SLC8A1: variants seen among roughly 807,000 people sequenced by gnomAD.
The protein encoded by SLC8A1 is sodium/calcium exchanger 1.
In SLC8A1, 18 loss-of-function variants were observed where a neutral mutation model predicts 68.3. The ratio of observed to expected loss-of-function variants is 0.26; its 90% confidence interval spans 0.18 to 0.39. The LOEUF (loss-of-function observed/expected upper bound fraction) is 0.39. SLC8A1 is among the 10% of genes least tolerant of loss of function. The pLI is 1.00. For missense variants in SLC8A1, 985 were observed against 1,156.7 expected (o/e 0.85, Z 2.15); for synonymous variants, 475 against 415.5 (o/e 1.14, Z -1.74).
chr2:40,510,921 T>C (rs954692168), intron 1 of SLC8A1, among the ~76,000 whole-genome samples: 18 of 152,192 alleles, frequency 1.2e-4, no homozygotes, highest in African/African-American at 4.3e-4. Context: ...GCCACTTTTT[T>C]GGTGTAATGG....
At chr2:40,375,038 T>C (rs1679357833) in intron 2 of SLC8A1, among the ~76,000 whole-genome samples, 1 of 152,060 alleles carries the variant, frequency 6.6e-6, no homozygotes, top group South Asian at 2.1e-4. Flanking sequence ...GGCTGCTTGA[T>C]AATGAATTTA....
At chr2:40,503,355 A>C (rs1054097883) in intron 1 of SLC8A1, among the ~76,000 whole-genome samples, 2 of 152,034 alleles carry the variant, frequency 1.3e-5, no homozygotes, top group African/African-American at 4.8e-5. Flanking sequence ...TAAGTTCTTC[A>C]GAACCATGTC....
chr2:40,449,668 T>G (rs1011829592), intron 1 of SLC8A1, among the ~76,000 whole-genome samples: 3 of 134,466 alleles, frequency 2.2e-5, no homozygotes, highest in African/African-American at 6.0e-5. Flanking sequence ...CACTATATAA[T>G]AATATTAAAG....
chr2:40,386,868 A>G (rs769870505), intron 2 of SLC8A1, among the ~76,000 whole-genome samples: 4 of 151,194 alleles, frequency 2.6e-5, no homozygotes, highest in Admixed American at 1.3e-4. Context: ...GAATGACAAC[A>G]AACTACCATT....
chr2:40,395,324 C>T (rs1403882307), intron 2 of SLC8A1, among the ~76,000 whole-genome samples: 1 of 152,130 alleles, frequency 6.6e-6, no homozygotes, highest in South Asian at 2.1e-4. Flanking sequence ...GATCTCAAAT[C>T]TGATCTAGCC....
intron 2 of SLC8A1, among the ~76,000 whole-genome samples, chr2:40,245,652 C>G (rs1574630822): frequency 6.6e-6 from 1 of 151,940 alleles, no homozygotes; most frequent in Non-Finnish European, 1.5e-5. Context: ...TTAATATTGT[C>G]ATTTTGTTTT....
At chr2:40,181,778 A>G (rs2049610979) in intron 2 of SLC8A1, among the ~76,000 whole-genome samples, 1 of 152,186 alleles carries the variant, frequency 6.6e-6, no homozygotes, top group African/African-American at 2.4e-5. Flanking sequence ...CCCTTAGCAA[A>G]GGTAGCTGAG....
At chr2:40,395,868 G>C (rs1210702716) in intron 2 of SLC8A1, among the ~76,000 whole-genome samples, 3 of 152,056 alleles carry the variant, frequency 2.0e-5, no homozygotes, top group Non-Finnish European at 2.9e-5. Context: ...AACAGATGAG[G>C]AGAAAGTCCA....
intron 1 of SLC8A1, among the ~76,000 whole-genome samples, chr2:40,457,479 C>G (rs972591507): frequency 1.3e-5 from 2 of 152,196 alleles, no homozygotes; most frequent in Non-Finnish European, 2.9e-5. Flanking sequence ...AATGCCCAGA[C>G]AGTAGCCCTT....
At chr2:40,448,953 A>G (rs1279385141) in intron 1 of SLC8A1, among the ~76,000 whole-genome samples, 1 of 152,170 alleles carries the variant, frequency 6.6e-6, no homozygotes, top group Non-Finnish European at 1.5e-5. Context: ...CTACGAAAAT[A>G]TAAAACATGC....
chr2:40,108,594 G>A (rs1173017567), exon 8 of SLC8A1: 1 of 152,100 alleles, frequency 6.6e-6, no homozygotes, highest in Non-Finnish European at 1.5e-5. Flanking sequence ...TCTCAAACTT[G>A]AGCATTAGGA....
At chr2:40,385,493 T>C (rs1463186694) in intron 2 of SLC8A1, among the ~76,000 whole-genome samples, 1 of 131,116 alleles carries the variant, frequency 7.6e-6, no homozygotes, top group Non-Finnish European at 1.6e-5. Context: ...AGTATAAATA[T>C]AGGTGAGGAG....
chr2:40,113,767 C>T (rs920018055), exon 8 of SLC8A1: 23 of 152,790 alleles, frequency 1.5e-4, no homozygotes, highest in African/African-American at 4.3e-4. Context: ...AAAGCCTAGG[C>T]ACATCCAACA....
At chr2:40,125,567 CTATTT>C (rs2037904754) in intron 7 of SLC8A1, among the ~76,000 whole-genome samples, 1 of 152,164 alleles carries the variant, frequency 6.6e-6, no homozygotes, top group Non-Finnish European at 1.5e-5. Flanking sequence ...CAAATACCTT[CTATTT>C]TATTTACTAA....
chr2:40,439,217 T>C lies in SLC8A1; in HGVS notation c.-24-8913A>G, dbSNP rs375838322. ...TACTTCATGATGTTGCTGCAGGTGT[T>C]TTGTCTTCTCTAAGAAGAAACAAGC... is the stretch of plus-strand genomic sequence containing the variant. On this transcript the variant is annotated intron_variant, in intron 1 of 7. Transcript: ENST00000406785. 1.4e-3 allele frequency among the ~76,000 whole-genome samples: 211 copies of C among 152,172 alleles called. 1 individual carries two copies. Among genetic ancestry groups the C allele is most frequent in the African/African-American group, 4.9e-3 (202 of 41,510 alleles).
intron 2 of SLC8A1, among the ~76,000 whole-genome samples, chr2:40,369,723 A>C (rs1369673317): frequency 6.6e-6 from 1 of 152,092 alleles, no homozygotes; most frequent in African/African-American, 2.4e-5. Context: ...TCTTTAGCAG[A>C]TCTTGTAAAT....
intron 2 of SLC8A1, among the ~76,000 whole-genome samples, chr2:40,382,236 C>G (rs1355884788): frequency 1.3e-5 from 2 of 152,044 alleles, no homozygotes; most frequent in African/African-American, 4.8e-5. Flanking sequence ...CATATTATAG[C>G]TCAGAAAGGC....
chr2:40,390,380 G>A (rs777447767), intron 2 of SLC8A1, among the ~76,000 whole-genome samples: 4 of 152,022 alleles, frequency 2.6e-5, no homozygotes, highest in Admixed American at 6.6e-5. Flanking sequence ...TCCAAAGTCT[G>A]TGGCAATTTC....
At chr2:40,142,972 G>A (rs547476819) in intron 6 of SLC8A1, among the ~76,000 whole-genome samples, 62 of 149,198 alleles carry the variant, frequency 4.2e-4, no homozygotes, top group African/African-American at 1.4e-3. Flanking sequence ...GTGTGAGAGC[G>A]AGAGAGAGAG....
Sources: gnomAD v4.1 joint callset for allele counts (sites outside exome capture counted in the v4.1 genomes callset) on GRCh38, gnomAD v4.1.1 for gene constraint, MANE v1.5 for transcripts, NCBI Gene and HGNC (gene_info 2026-07-23, HGNC 2026-07-21) for gene names.